The following MTHFD1L variants were observed in gnomAD, a reference collection of about 807,000 sequenced individuals.
MTHFD1L encodes monofunctional C1-tetrahydrofolate synthase, mitochondrial.
Under a neutral mutation model 119.5 loss-of-function variants are expected in MTHFD1L, and 81 were observed. The observed-to-expected ratio is 0.68, with a 90% CI of 0.57 to 0.82. The LOEUF (loss-of-function observed/expected upper bound fraction) is 0.82, where lower values mean the gene tolerates loss of function less well. Among genes scored for constraint, MTHFD1L ranks in the 40% least tolerant of loss-of-function variants. MTHFD1L has a pLI of 0.00. For synonymous variants in MTHFD1L, 430 were observed against 475.2 expected (o/e 0.90, Z 1.24); for missense variants, 1,125 against 1,253.4 (o/e 0.90, Z 1.55).
intron 1 of MTHFD1L, among the ~76,000 whole-genome samples, chr6:150,872,118 C>T (rs994012068): frequency 2.0e-4 from 30 of 151,922 alleles, no homozygotes; most frequent in African/African-American, 3.6e-4. Flanking sequence ...CCTCGTGATC[C>T]GCCCGCCTCG....
intron 1 of MTHFD1L, among the ~76,000 whole-genome samples, chr6:150,873,104 CAA>C (rs934015739): frequency 6.6e-6 from 1 of 152,054 alleles, no homozygotes; most frequent in African/African-American, 2.4e-5. Flanking sequence ...ATCACGAGGT[CAA>C]GAGATCGAGA....
intron 7 of MTHFD1L, among the ~76,000 whole-genome samples, chr6:150,891,231 C>T (rs1347568611): frequency 2.6e-5 from 4 of 152,040 alleles, no homozygotes; most frequent in Admixed American, 6.6e-5. Flanking sequence ...GGTGATCCGC[C>T]CACCTCGACC....
At chr6:150,994,069 A>AGG (rs1779409974) in intron 20 of MTHFD1L, among the ~76,000 whole-genome samples, 3 of 113,190 alleles carry the variant, frequency 2.7e-5, no homozygotes, top group African/African-American at 1.0e-4. Flanking sequence ...AACAGTAAAA[A>AGG]AAAAAAAAAA....
At chr6:150,891,948 A>G (rs1294835389) in intron 7 of MTHFD1L, among the ~76,000 whole-genome samples, 1 of 152,222 alleles carries the variant, frequency 6.6e-6, no homozygotes, top group African/African-American at 2.4e-5. Flanking sequence ...TAATCGTGCC[A>G]GGGAAGCCAG....
At chr6:150,929,064 G>A (rs1790552953) in intron 11 of MTHFD1L, among the ~76,000 whole-genome samples, 1 of 152,134 alleles carries the variant, frequency 6.6e-6, no homozygotes, top group Non-Finnish European at 1.5e-5. Context: ...GAAAGTTCCT[G>A]GCTGAGGGGA....
chr6:151,009,970 C>T lies in MTHFD1L; in HGVS notation c.2265+12C>T, dbSNP rs1359743544. The T allele has an allele frequency of 1.3e-6, 2 of 1,585,316 alleles. No individual in the cohort carries two copies. Among genetic ancestry groups the T allele is most frequent in the Non-Finnish European group, 1.7e-6 (2 of 1,170,188 alleles). On this transcript the variant is annotated intron_variant, in intron 21 of 27. Coordinates refer to ENST00000367321, the MANE Select transcript of MTHFD1L (RefSeq NM_015440.5). ...GAGGCGGGCCAAGTGTAAGTGCCCA[C>T]ACCGCCTTCCTAATACCAAAGAAAT...
chr6:150,959,107 G>T lies in MTHFD1L; in HGVS notation c.1804-1168G>T, dbSNP rs1796068943. ...ATGAAAGACCACTTATGTTTGGAAT[G>T]AGTTATATTGAGAATGTAATAATTG... On this transcript the variant is annotated intron_variant, in intron 17 of 27. Transcript: ENST00000367321. The T allele has an allele frequency of 1.0e-5, 8 of 799,928 alleles. No individual in the cohort carries two copies. The South Asian group carries it at 2.9e-4, about 29-fold the overall frequency. The allele number at this position is 799,928 out of a possible 1,614,324, so 49.6% of individuals were successfully genotyped here.
intron 26 of MTHFD1L, among the ~76,000 whole-genome samples, chr6:151,078,135 C>A (rs1465104968): frequency 6.6e-6 from 1 of 150,758 alleles, no homozygotes; most frequent in Non-Finnish European, 1.5e-5. Flanking sequence ...AATGACGAAG[C>A]CAGACATTTT....
intron 26 of MTHFD1L, among the ~76,000 whole-genome samples, chr6:151,062,253 G>A (rs4569977): frequency 0.032 from 4,927 of 152,184 alleles, 155 homozygotes; most frequent in Admixed American, 0.1. Flanking sequence ...TAGCTAATAC[G>A]ATGAAACCCC....
intron 26 of MTHFD1L, among the ~76,000 whole-genome samples, chr6:151,085,728 G>A (rs933328624): frequency 2.6e-5 from 4 of 151,944 alleles, no homozygotes; most frequent in Admixed American, 6.6e-5. Flanking sequence ...CAGAGATTGT[G>A]CTACTACACT....
chr6:151,061,295 A>G (rs1790598719), intron 26 of MTHFD1L, among the ~76,000 whole-genome samples: 2 of 152,150 alleles, frequency 1.3e-5, no homozygotes, highest in South Asian at 4.1e-4. Flanking sequence ...GAGTCACACA[A>G]GATACACTTA....
At position 150,866,054 on chromosome 6, in the gene MTHFD1L, G is replaced by T. The variant is rs767228532; in HGVS notation, c.227+5G>T. ...GGCGCGGGACTCCATCGTCAGGTGAGTGTCGGGTCTGGCCCTGGCCCAGGT... is the reference window on the plus strand; with the variant it reads ...GGCGCGGGACTCCATCGTCAGGTGATTGTCGGGTCTGGCCCTGGCCCAGGT... On this transcript the variant is annotated splice_donor_5th_base_variant and intron_variant, in intron 1 of 27. Transcript: ENST00000367321. 2.7e-6 allele frequency: 4 copies of T among 1,473,240 alleles called. No homozygotes were observed. Among genetic ancestry groups the T allele is most frequent in the Non-Finnish European group, 2.7e-6 (3 of 1,119,820 alleles). The allele number at this position is 1,473,240 out of a possible 1,614,324, so 91.3% of individuals were successfully genotyped here.
chr6:150,979,918 A>G (rs904479564), intron 20 of MTHFD1L, among the ~76,000 whole-genome samples: 1 of 151,808 alleles, frequency 6.6e-6, no homozygotes, highest in African/African-American at 2.4e-5. Context: ...TAAATATTCC[A>G]TCATTTTGGT....
intron 20 of MTHFD1L, among the ~76,000 whole-genome samples, chr6:151,005,844 G>T (rs1437293246): frequency 6.6e-6 from 1 of 152,128 alleles, no homozygotes; most frequent in Admixed American, 6.5e-5. Context: ...GTTTTAGATG[G>T]TCATATCTTT....
intron 21 of MTHFD1L, among the ~76,000 whole-genome samples, chr6:151,011,309 A>G (rs1201651016): frequency 6.6e-6 from 1 of 152,250 alleles, no homozygotes; most frequent in Non-Finnish European, 1.5e-5. Context: ...AATCTGTATA[A>G]CAACTTCTAT....
chr6:151,003,888 C>T (rs191175153), intron 20 of MTHFD1L, among the ~76,000 whole-genome samples: 20 of 152,058 alleles, frequency 1.3e-4, no homozygotes, highest in African/African-American at 4.8e-4. Flanking sequence ...AAGTAACTGG[C>T]CTGGTGCACA....
rs1792143255 is a variant in MTHFD1L at position 150,936,789 on chromosome 6, T to C, written c.1257-15T>C. On this transcript the variant is annotated splice_polypyrimidine_tract_variant and intron_variant, in intron 11 of 27. Coordinates refer to ENST00000367321, the MANE Select transcript of MTHFD1L (RefSeq NM_015440.5). Reference sequence around the variant, plus strand: ...GGGAAATATTATAAAATTCACTTTCTCCCCCCGAACTCAGGATCACACCCA... The same window carrying C: ...GGGAAATATTATAAAATTCACTTTCCCCCCCCGAACTCAGGATCACACCCA... 6.2e-7 allele frequency: 1 copy of C among 1,605,526 alleles called. No individual in the cohort carries two copies.
intron 9 of MTHFD1L, among the ~76,000 whole-genome samples, chr6:150,921,183 G>A (rs1046680602): frequency 7.4e-5 from 11 of 148,860 alleles, no homozygotes; most frequent in Admixed American, 4.7e-4. Flanking sequence ...GCAATGGCAC[G>A]ATCTCAGCTC....
At chr6:151,032,501 T>A (rs1998263) in intron 24 of MTHFD1L, among the ~76,000 whole-genome samples, 23 of 152,184 alleles carry the variant, frequency 1.5e-4, no homozygotes, top group Admixed American at 1.4e-3. Context: ...ACCTCCCACC[T>A]GGCCCCACCT....
Sources: allele counts gnomAD v4.1 joint callset (sites outside exome capture counted in the v4.1 genomes callset), GRCh38; gene constraint gnomAD v4.1.1; transcripts MANE v1.5; gene names NCBI Gene and HGNC (gene_info 2026-07-23, HGNC 2026-07-21).